TRPC5OS: variants seen among roughly 807,000 people sequenced by gnomAD.
The protein encoded by TRPC5OS is putative uncharacterized protein TRPC5OS.
For missense variants in TRPC5OS, 64 were observed against 79.3 expected, an observed-to-expected ratio of 0.81 and a Z score of 0.73; for synonymous variants, 30 against 29.3, an observed-to-expected ratio of 1.02 and a Z score of -0.08.
chrX:111,888,693 C>CAAAAAAAAAAAAAAAA (rs753735549), intron 1 of TRPC5OS, among the ~76,000 whole-genome samples: 2 of 10,983 alleles, frequency 1.8e-4, no homozygotes, highest in African/African-American at 2.2e-4. Context: ...GACTCTATCT[C>CAAAAAAAAAAAAAAAA]AAAAAAAAAA....
intron 3 of TRPC5OS, among the ~76,000 whole-genome samples, chrX:111,896,838 A>G (rs187117134): frequency 3.6e-4 from 40 of 111,981 alleles, no homozygotes; most frequent in African/African-American, 1.3e-3. Context: ...ATCATGGGCA[A>G]ATTACTGAAT....
chrX:111,883,256 G>A (rs776924568), intron 1 of TRPC5OS, among the ~76,000 whole-genome samples: 7 of 112,552 alleles, frequency 6.2e-5, no homozygotes, highest in African/African-American at 1.9e-4. Flanking sequence ...CCTAGGCAAG[G>A]CCTAAGCCTA....
chrX:111,893,807 A>C (rs968820190), intron 1 of TRPC5OS, among the ~76,000 whole-genome samples: 14 of 112,107 alleles, frequency 1.2e-4, no homozygotes, highest in Admixed American at 1.2e-3. Context: ...GCTGTATTGC[A>C]CACAGTTATT....
In TRPC5OS at chrX:111,889,171, G is replaced by A. The variant is rs894662957; in HGVS notation, c.-545-6780G>A. 7.1e-5 allele frequency among the ~76,000 whole-genome samples: 8 copies of A among 111,923 alleles called. 1 individual carries two copies. Among genetic ancestry groups the A allele is most frequent in the Middle Eastern group, 9.3e-3 (2 of 215 alleles). On this transcript the variant is annotated intron_variant, in intron 1 of 3. Coordinates refer to ENST00000635763, the MANE Select transcript of TRPC5OS (RefSeq NM_001195578.2). The stretch of plus-strand genomic sequence containing the variant: ...CACCAAGAGTGTGACTATAGATGAA[G>A]AAGAAGAGGACTTGGGGAGTGATTG...
At chrX:111,901,488 T>C (rs1925342048) in intron 3 of TRPC5OS, 52 bp from the exon 4 acceptor site, 1 of 123,032 alleles carries the variant, frequency 8.1e-6, no homozygotes, top group African/African-American at 3.2e-5. Context: ...GCCTGTAGGA[T>C]GGATAAAGGC....
intron 1 of TRPC5OS, among the ~76,000 whole-genome samples, chrX:111,876,853 C>G (rs1923972792): frequency 9.0e-6 from 1 of 111,312 alleles, no homozygotes; most frequent in East Asian, 2.8e-4. Context: ...TTTGATTTTC[C>G]CTTTCACTTA....
intron 1 of TRPC5OS, among the ~76,000 whole-genome samples, chrX:111,890,417 C>T (rs181016300): frequency 3.7e-4 from 41 of 111,744 alleles, no homozygotes; most frequent in African/African-American, 1.3e-3. Context: ...CCTGGGAAGC[C>T]AAAAAACTGG....
intron 1 of TRPC5OS, among the ~76,000 whole-genome samples, chrX:111,890,174 C>T (rs751782649): frequency 8.9e-6 from 1 of 112,246 alleles, no homozygotes; most frequent in Admixed American, 9.4e-5. Flanking sequence ...TATTGTAAAA[C>T]AAACTATTTA....
At chrX:111,899,764 T>A (rs1925247592) in intron 3 of TRPC5OS, among the ~76,000 whole-genome samples, 1 of 111,593 alleles carries the variant, frequency 9.0e-6, no homozygotes, top group South Asian at 3.7e-4. Flanking sequence ...TGATGCATGT[T>A]CTAAATAAAT....
rs899744325 is a variant in TRPC5OS, at chrX:111,902,029, G to A, written c.180G>A (p.Ser60=). Residue 60 remains serine, a synonymous_variant, in exon 4 of 4, where the codon TCG becomes TCA. Transcript: ENST00000635763. ...EADAPLPEEP[S]LPDLPDLSDL... ...ATGCACCTCTTCCCGAGGAGCCTTC[G>A]CTACCTGATCTCCCTGATCTCTCAG... 9.5e-6 allele frequency: 11 copies of A among 1,153,677 alleles called. No homozygotes were observed. The Admixed American group carries it at 1.0e-4, about 11-fold the overall frequency.
At chrX:111,891,846 C>T (rs377234079) in intron 1 of TRPC5OS, among the ~76,000 whole-genome samples, 20 of 111,525 alleles carry the variant, frequency 1.8e-4, no homozygotes, top group East Asian at 1.4e-3. Context: ...CGCGCTTGGC[C>T]GCTACACAGG....
chrX:111,889,250 T>C (rs1047604853), intron 1 of TRPC5OS, among the ~76,000 whole-genome samples: 3 of 111,224 alleles, frequency 2.7e-5, no homozygotes, highest in Non-Finnish European at 5.7e-5. Context: ...GAGCTGATAA[T>C]TGGATTTAGC....
chrX:111,886,439 A>T (rs763618745), intron 1 of TRPC5OS, among the ~76,000 whole-genome samples: 13 of 112,254 alleles, frequency 1.2e-4, no homozygotes, highest in African/African-American at 3.9e-4. Context: ...TTGGTAGATT[A>T]TGCTTGCATT....
At position 111,901,969 on chromosome X, in the gene TRPC5OS, A is replaced by C; in HGVS notation, c.120A>C (p.Val40=). The C allele has an allele frequency of 8.7e-6, 10 of 1,155,727 alleles. No homozygotes were observed. The highest frequency in any genetic ancestry group is 1.1e-5 in the Non-Finnish European group (10 of 872,652). Residue 40 remains valine (V), a synonymous_variant, in exon 4 of 4, where the codon GTA becomes GTC. Coordinates refer to ENST00000635763, the MANE Select transcript of TRPC5OS (RefSeq NM_001195578.2). ...TACAAGTACAAGAAGTTCCTTATGTAGAAGAAAATGGTAGAGCAGAAGAGA... is the reference window on the plus strand; with the variant it reads ...TACAAGTACAAGAAGTTCCTTATGTCGAAGAAAATGGTAGAGCAGAAGAGA... ...FILQVQEVPY[V]EENGRAEETE...
At chrX:111,886,684 G>A (rs780056091) in intron 1 of TRPC5OS, among the ~76,000 whole-genome samples, 1 of 111,565 alleles carries the variant, frequency 9.0e-6, no homozygotes, top group South Asian at 3.8e-4. Flanking sequence ...ATGACATTCT[G>A]GAGGCCAAAG....
At chrX:111,900,618 G>A (rs982096887) in intron 3 of TRPC5OS, among the ~76,000 whole-genome samples, 1 of 111,490 alleles carries the variant, frequency 9.0e-6, no homozygotes, top group Admixed American at 9.6e-5. Flanking sequence ...AAGCTTCGGG[G>A]ACTTTAAGTT....
In TRPC5OS at chrX:111,900,526, C is replaced by T. The variant is rs543061032; in HGVS notation, c.-310-1014C>T. 5.0e-4 allele frequency among the ~76,000 whole-genome samples: 56 copies of T among 111,724 alleles called. No individual in the cohort carries two copies. In the South Asian group the frequency reaches 0.021, roughly 42 times the overall value. ...AAATTCTTATAAAGACATGTGTCAG[C>T]TCATTAGAACAGAAAAGCAGAATAA... On this transcript the variant is annotated intron_variant, in intron 3 of 3. Transcript: ENST00000635763.
At position 111,901,525 on chromosome X, in the gene TRPC5OS, CTTT is replaced by C. The variant is rs1925344580; in HGVS notation, c.-310-11_-310-9del. 6.8e-6 allele frequency: 1 copy of C among 146,555 alleles called. No homozygotes were observed. The highest frequency in any genetic ancestry group is 8.1e-5 in the Admixed American group (1 of 12,309). The allele number at this position is 146,555 out of a possible 1,213,427, so 12.1% of individuals were successfully genotyped here. ...CAAAGATACTAATCTTTATATCTCTCTTTTTTATTATTAGGTCTGCTTTGCTGT... is the reference window on the plus strand; with the variant it reads ...CAAAGATACTAATCTTTATATCTCTCTTTATTATTAGGTCTGCTTTGCTGT... On this transcript the variant is annotated splice_polypyrimidine_tract_variant and intron_variant, in intron 3 of 3. Coordinates refer to ENST00000635763, the MANE Select transcript of TRPC5OS (RefSeq NM_001195578.2).
chrX:111,878,703 G>A (rs1383686926), intron 1 of TRPC5OS, among the ~76,000 whole-genome samples: 1 of 111,394 alleles, frequency 9.0e-6, no homozygotes, highest in Admixed American at 9.6e-5. Flanking sequence ...AGATGGGTGG[G>A]TGGAGGGGTG....
Sources: gnomAD v4.1 joint callset for allele counts (sites outside exome capture counted in the v4.1 genomes callset) on GRCh38, gnomAD v4.1.1 for gene constraint, MANE v1.5 for transcripts, NCBI Gene and HGNC (gene_info 2026-07-23, HGNC 2026-07-21) for gene names.